The following STPG2 variants were observed in gnomAD, a reference collection of about 807,000 sequenced individuals.
STPG2 encodes the protein sperm-tail PG-rich repeat-containing protein 2.
A neutral mutation model predicts 54.2 loss-of-function variants in STPG2; 56 were observed. That is an observed-to-expected ratio of 1.03 (90% CI 0.83 to 1.29). The LOEUF is 1.29. STPG2 is among the 50% of genes most tolerant of loss of function. The probability of loss-of-function intolerance (pLI) is 0.00; values close to 1 mark genes in which losing one functional copy is unlikely to be tolerated. For missense variants in STPG2, 596 were observed against 544.9 expected (o/e 1.09, Z -0.93); for synonymous variants, 200 against 181.8 (o/e 1.10, Z -0.81).
intron 7 of STPG2, among the ~76,000 whole-genome samples, chr4:97,960,544 A>C (rs1280573285): frequency 6.6e-6 from 1 of 152,120 alleles, no homozygotes; most frequent in African/African-American, 2.4e-5. Context: ...TAGCTCTTCT[A>C]TATACCAACA....
intron 10 of STPG2, among the ~76,000 whole-genome samples, chr4:97,614,639 C>T (rs890958230): frequency 6.6e-6 from 1 of 152,104 alleles, no homozygotes; most frequent in African/African-American, 2.4e-5. Context: ...CCACTTCTAC[C>T]TCTCCATAGT....
rs182156338 is a variant in STPG2 at position 97,720,066 on chromosome 4, T to C, written c.1205-7252A>G. Among the ~76,000 whole-genome samples, 1,239 of 152,086 alleles carry C rather than the reference T, an allele frequency of 8.1e-3. 23 individuals carry two copies. The highest frequency in any genetic ancestry group is 0.015 in the Admixed American group (224 of 15,276). On this transcript the variant is annotated intron_variant, in intron 9 of 10. Transcript: ENST00000295268. ...CATACTATTTTAATCTTGGACCAAA[T>C]TGGCAAACTTACTTCATGATAACTG...
chr4:97,635,827 C>T (rs987356291), intron 10 of STPG2, among the ~76,000 whole-genome samples: 1 of 151,666 alleles, frequency 6.6e-6, no homozygotes, highest in Non-Finnish European at 1.5e-5. Flanking sequence ...ACAGGAGCAC[C>T]CAGATTCATA....
chr4:97,541,002 C>T (rs1382489128), intron 4 of STPG2, among the ~76,000 whole-genome samples: 1 of 152,144 alleles, frequency 6.6e-6, no homozygotes, highest in Non-Finnish European at 1.5e-5. Context: ...GACAAACCCA[C>T]AGCCAATATC....
At chr4:97,773,802 A>G (rs1578551591) in intron 9 of STPG2, among the ~76,000 whole-genome samples, 2 of 152,218 alleles carry the variant, frequency 1.3e-5, no homozygotes, top group East Asian at 3.9e-4. Context: ...ACAATGCCCC[A>G]CCCCTAAATT....
At chr4:97,608,677 A>G (rs1578421363) in intron 10 of STPG2, among the ~76,000 whole-genome samples, 1 of 152,048 alleles carries the variant, frequency 6.6e-6, no homozygotes, top group East Asian at 1.9e-4. Flanking sequence ...ATTAAGCAGG[A>G]GAGATATATG....
At chr4:97,628,852 G>C (rs111623769) in intron 10 of STPG2, among the ~76,000 whole-genome samples, 2,269 of 152,040 alleles carry the variant, frequency 0.015, 52 homozygotes, top group African/African-American at 0.052. Context: ...TGGTCAATTT[G>C]ACTCTAGATT....
intron 3 of STPG2, among the ~76,000 whole-genome samples, chr4:98,122,393 G>C (rs1467815266): frequency 6.6e-6 from 1 of 152,120 alleles, no homozygotes. Flanking sequence ...TTTATTGAGA[G>C]TTTTTAACAT....
chr4:97,813,677 T>TAA (rs869298230), intron 9 of STPG2, among the ~76,000 whole-genome samples: 862 of 45,850 alleles, frequency 0.019, 90 homozygotes, highest in Non-Finnish European at 0.027. Flanking sequence ...CCCTGTCTCT[T>TAA]AAAAAAAAAA....
chr4:97,995,781 C>G (rs1344978645), intron 5 of STPG2, among the ~76,000 whole-genome samples: 2 of 152,144 alleles, frequency 1.3e-5, no homozygotes, highest in Non-Finnish European at 2.9e-5. Flanking sequence ...CAACTGAACC[C>G]ACCAGACATG....
rs558003680 is a variant in STPG2 at position 97,747,926 on chromosome 4, T to C, written c.1205-35112A>G. On this transcript the variant is annotated intron_variant, in intron 9 of 10. Transcript: ENST00000295268. Reference sequence around the variant, plus strand: ...TATTTCCCAGCAGATCACTTAGATATAGTCATTTTTAAAACCATGGCTAGT... The same window carrying C: ...TATTTCCCAGCAGATCACTTAGATACAGTCATTTTTAAAACCATGGCTAGT... 1.3e-4 allele frequency among the ~76,000 whole-genome samples: 19 copies of C among 151,576 alleles called. No homozygotes were observed. In the East Asian group the frequency reaches 3.5e-3, roughly 28 times the overall value.
chr4:98,059,728 C>G (rs1407141411), intron 5 of STPG2, among the ~76,000 whole-genome samples: 1 of 151,696 alleles, frequency 6.6e-6, no homozygotes, highest in African/African-American at 2.4e-5. Flanking sequence ...ATCAAATAGG[C>G]TTCATCCCCA....
chr4:97,572,055 C>A (rs2136083), intron 10 of STPG2, among the ~76,000 whole-genome samples: 96,704 of 151,990 alleles, frequency 0.64, 31,951 homozygotes, highest in African/African-American at 0.83. Flanking sequence ...TGCTTGAATA[C>A]AATGCTTTCT....
At position 98,023,620 on chromosome 4, in the gene STPG2, C is replaced by T. The variant is rs567116497; in HGVS notation, c.613-42302G>A. Among the ~76,000 whole-genome samples the T allele has an allele frequency of 1.2e-3, 190 of 152,320 alleles. 1 individual carries two copies. Among genetic ancestry groups the T allele is most frequent in the Middle Eastern group, 3.4e-3 (1 of 294 alleles). On this transcript the variant is annotated intron_variant, in intron 5 of 10. Transcript: ENST00000295268. ...TGCTGTCTTTTTGTTTGTCTGTGCCCTGCCCCCAGAGGTGGAGCCTACAGA... is the reference window on the plus strand; with the variant it reads ...TGCTGTCTTTTTGTTTGTCTGTGCCTTGCCCCCAGAGGTGGAGCCTACAGA...
At chr4:97,473,962 G>A (rs892732777) in intron 4 of STPG2, among the ~76,000 whole-genome samples, 2 of 151,872 alleles carry the variant, frequency 1.3e-5, no homozygotes, top group African/African-American at 4.9e-5. Flanking sequence ...GTGGAGAATA[G>A]AGGGTTTTTT....
In STPG2 at chr4:97,823,899, G is replaced by C. The variant is rs528758282; in HGVS notation, c.1204+16874C>G. On this transcript the variant is annotated intron_variant, in intron 9 of 10. Coordinates refer to ENST00000295268, the MANE Select transcript of STPG2 (RefSeq NM_174952.3). ...AAAGCAAGGACACTTGACTGAACCT[G>C]GGTTTGAGACCCAACTTAGGGAGGT... Among the ~76,000 whole-genome samples, 5 of 152,246 alleles carry C rather than the reference G, an allele frequency of 3.3e-5. No homozygotes were observed. The South Asian group carries it at 1.0e-3, about 32-fold the overall frequency.
intron 8 of STPG2, among the ~76,000 whole-genome samples, chr4:97,898,510 G>A (rs902356506): frequency 1.3e-5 from 2 of 151,560 alleles, no homozygotes; most frequent in South Asian, 2.1e-4. Context: ...TTGTATAAAT[G>A]TCAAAGGTAT....
At chr4:97,934,473 C>T (rs1727281) in intron 8 of STPG2, among the ~76,000 whole-genome samples, 127,505 of 152,180 alleles carry the variant, frequency 0.84, 53,582 homozygotes, top group Middle Eastern at 0.94. Context: ...CTTTTTCCCA[C>T]TCAGTATGAT....
chr4:97,599,797 CT>C (rs1226306865), intron 10 of STPG2, among the ~76,000 whole-genome samples: 2 of 144,520 alleles, frequency 1.4e-5, no homozygotes, highest in African/African-American at 5.3e-5. Context: ...GAACTCCAGC[CT>C]GGGTGACAGT....
Sources: gnomAD v4.1 joint callset for allele counts (sites outside exome capture counted in the v4.1 genomes callset) on GRCh38, gnomAD v4.1.1 for gene constraint, MANE v1.5 for transcripts, NCBI Gene and HGNC (gene_info 2026-07-23, HGNC 2026-07-21) for gene names.